The following PRKAR1A variants were observed in gnomAD, a reference collection of about 807,000 sequenced individuals.
The protein encoded by PRKAR1A is cAMP-dependent protein kinase type I-alpha regulatory subunit.
A neutral mutation model predicts 52.0 loss-of-function variants in PRKAR1A; 3 were observed. That is an observed-to-expected ratio of 0.06 (90% CI 0.03 to 0.15). The LOEUF is 0.15. Ranked by LOEUF, PRKAR1A falls within the 10% of genes least tolerant of loss-of-function variation. PRKAR1A has a pLI of 1.00. For missense variants in PRKAR1A, 240 were observed against 477.4 expected (o/e 0.50, Z 4.63); for synonymous variants, 188 against 168.4 (o/e 1.12, Z -0.90).
At chr17:68,527,786 T>A (rs2085836747) in intron 7 of PRKAR1A, 54 bp from the exon 8 acceptor site, 6 of 1,345,260 alleles carry the variant, frequency 4.5e-6, no homozygotes, top group Non-Finnish European at 6.4e-6. Context: ...CATAGCATTA[T>A]GTGGTGATAA....
downstream of PRKAR1A, chr17:68,537,029 A>AT: frequency 2.2e-6 from 1 of 455,786 alleles, no homozygotes; most frequent in South Asian, 1.6e-5. This position sits in a 1 kb window ranked among gnomAD's most constrained non-coding sequence, Gnocchi z 4.2. Flanking sequence ...CAAAGTGCAG[A>AT]TTTTTAGTCA....
the PRKAR1A span, chr17:68,428,913 A>C: frequency 6.2e-7 from 1 of 1,614,082 alleles, no homozygotes. Flanking sequence ...TGACGCAACT[A>C]GCAGCCGTGG....
At chr17:68,421,904 G>A in the PRKAR1A span, 6 of 1,558,238 alleles carry the variant, frequency 3.9e-6, no homozygotes. Context: ...CTGTGCCCAT[G>A]CAGAGTGAGC....
At chr17:68,469,614 T>TC in the PRKAR1A span, among the ~76,000 whole-genome samples, 2 of 151,986 alleles carry the variant, frequency 1.3e-5, no homozygotes, top group African/African-American at 2.4e-5. Context: ...TTTTTTTTTT[T>TC]CCCTCTCTTG....
At chr17:68,418,540 C>T in the PRKAR1A span, among the ~76,000 whole-genome samples, 1 of 149,790 alleles carries the variant, frequency 6.7e-6, no homozygotes, top group Non-Finnish European at 1.5e-5. Flanking sequence ...TGAGATCTAC[C>T]CATTCTCCTA....
upstream of PRKAR1A, among the ~76,000 whole-genome samples, chr17:68,510,196 A>AGAGAGAGAGAGAGAGAGAGC (rs1600450203): frequency 2.0e-5 from 3 of 147,864 alleles, no homozygotes; most frequent in Non-Finnish European, 3.0e-5. Flanking sequence ...AGAGAGAGAG[A>AGAGAGAGAGAGAGAGAGAGC]TCTATCTATT....
chr17:68,540,586 C>G, intron 11 of PRKAR1A: 2 of 566,774 alleles, frequency 3.5e-6, no homozygotes, highest in Non-Finnish European at 6.7e-6. Context: ...ATACAGCTTC[C>G]AATCTGACGC....
the PRKAR1A span, among the ~76,000 whole-genome samples, chr17:68,468,648 A>G: frequency 6.6e-6 from 1 of 152,198 alleles, no homozygotes; most frequent in Admixed American, 6.5e-5. Flanking sequence ...GATTGCAAAT[A>G]CGCACGAGGA....
the PRKAR1A span, among the ~76,000 whole-genome samples, chr17:68,436,990 T>C: frequency 2.9e-5 from 2 of 69,856 alleles, no homozygotes; most frequent in African/African-American, 1.6e-4. Context: ...TGAGACCCCG[T>C]CTCAAAAAAA....
the PRKAR1A span, among the ~76,000 whole-genome samples, chr17:68,425,148 A>C: frequency 6.6e-6 from 1 of 152,176 alleles, no homozygotes; most frequent in African/African-American, 2.4e-5. Context: ...AACCCAGCTA[A>C]AGGTGCTCGG....
chr17:68,457,906 T>C, the PRKAR1A span, among the ~76,000 whole-genome samples: 1 of 152,112 alleles, frequency 6.6e-6, no homozygotes, highest in East Asian at 1.9e-4. Flanking sequence ...GAAGAAGGAA[T>C]GCGGCTGGGG....
chr17:68,470,618 T>C, the PRKAR1A span, among the ~76,000 whole-genome samples: 1 of 152,234 alleles, frequency 6.6e-6, no homozygotes, highest in Non-Finnish European at 1.5e-5. Flanking sequence ...GTGGCCAAGA[T>C]ACATAGTGAG....
the PRKAR1A span, among the ~76,000 whole-genome samples, chr17:68,439,283 GAAT>G: frequency 2.0e-5 from 3 of 152,120 alleles, no homozygotes; most frequent in Non-Finnish European, 2.9e-5. Flanking sequence ...TTTTATAATA[GAAT>G]ATTATCCAGC....
At chr17:68,505,027 G>T in the PRKAR1A span, among the ~76,000 whole-genome samples, 1 of 152,212 alleles carries the variant, frequency 6.6e-6, no homozygotes, top group African/African-American at 2.4e-5. Context: ...GACAGGCGTG[G>T]TGGCTCACAT....
the PRKAR1A span, among the ~76,000 whole-genome samples, chr17:68,456,420 C>T: frequency 6.6e-6 from 1 of 152,202 alleles, no homozygotes. Flanking sequence ...GGGAATCGGT[C>T]ATCCCCGCCT....
intron 11 of PRKAR1A, among the ~76,000 whole-genome samples, chr17:68,546,829 CAAAA>C (rs35112614): frequency 9.5e-5 from 8 of 83,990 alleles, no homozygotes; most frequent in African/African-American, 3.1e-4. Flanking sequence ...GACTACGGCT[CAAAA>C]AAAAAAAAAA....
chr17:68,532,514 T>C lies in PRKAR1A; in HGVS notation c.*2065T>C. 9.4e-7 allele frequency: 1 copy of C among 1,062,848 alleles called. No individual in the cohort carries two copies. The highest frequency in any genetic ancestry group is 1.1e-6 in the Non-Finnish European group (1 of 876,752). 65.8% of individuals were successfully genotyped at this position (1,062,848 alleles called of 1,614,324 possible). A position where few individuals can be genotyped will look rare whatever the true frequency, so the allele number is the denominator to read the frequency against. The stretch of plus-strand genomic sequence containing the variant: ...AAGCTTTATCTTTGTGTAATCTAAG[T>C]ATATGTGAGAAATCAGAATTGGCAT... On this transcript the variant is annotated 3_prime_UTR_variant, in exon 11 of 11. Transcript: ENST00000589228.
the PRKAR1A span, among the ~76,000 whole-genome samples, chr17:68,441,427 C>G: frequency 6.6e-6 from 1 of 152,358 alleles, no homozygotes; most frequent in African/African-American, 2.4e-5. Context: ...GTGATTGTGT[C>G]TTCCTTCTGT....
Position 68,529,964 on chromosome 17 carries a change from T to C in PRKAR1A, c.936T>C (p.Phe312=), listed in dbSNP as rs1600494923. The C allele has an allele frequency of 6.2e-7, 1 of 1,614,106 alleles. No homozygotes were observed. The highest frequency in any genetic ancestry group is 8.5e-7 in the Non-Finnish European group (1 of 1,179,988). ...AACGTCGGTCAGAAAATGAAGAGTT[T>C]GTTGAAGTGGGAAGATTGGGGCCTT... is the stretch of plus-strand genomic sequence containing the variant. ...VLQRRSENEE[F]VEVGRLGPSD... The change falls in exon 10 of 11, where the codon TTT becomes TTC. Residue 312 remains phenylalanine (F), a synonymous_variant. Transcript: ENST00000589228.
Sources: gnomAD v4.1 joint callset for allele counts (sites outside exome capture counted in the v4.1 genomes callset) on GRCh38, gnomAD v4.1.1 for gene constraint, Gnocchi (gnomAD v3.1) non-coding constraint, MANE v1.5 for transcripts, NCBI Gene and HGNC (gene_info 2026-07-23, HGNC 2026-07-21) for gene names.